The following HDAC7 variants were observed in gnomAD, a reference collection of about 807,000 sequenced individuals.
The protein encoded by HDAC7 is histone deacetylase 7.
A neutral mutation model predicts 115.5 loss-of-function variants in HDAC7; 26 were observed. The observed-to-expected ratio is 0.23, with a 90% CI of 0.16 to 0.31. The LOEUF is 0.31. Among genes scored for constraint, HDAC7 ranks in the 10% least tolerant of loss-of-function variants. The pLI, the probability that HDAC7 is intolerant of heterozygous loss-of-function variation, is 1.00. For missense variants in HDAC7, 1,068 were observed against 1,329.0 expected, an observed-to-expected ratio of 0.80 and a Z score of 3.05; for synonymous variants, 564 against 550.9, an observed-to-expected ratio of 1.02 and a Z score of -0.33.
At chr12:47,790,925 G>A (rs1424696718) in intron 16 of HDAC7, 2 of 426,620 alleles carry the variant, frequency 4.7e-6, no homozygotes, top group East Asian at 4.8e-5. Flanking sequence ...GAGCAGCCTG[G>A]CGGCCAATGC....
At chr12:47,804,345 C>A (rs1417934332) in intron 1 of HDAC7, among the ~76,000 whole-genome samples, 1 of 152,000 alleles carries the variant, frequency 6.6e-6, no homozygotes, top group Non-Finnish European at 1.5e-5. Context: ...AGATTAAGAC[C>A]CAGGAACAGC....
chr12:47,784,371 C>T, intron 24 of HDAC7, 154 bp from the exon 25 acceptor site: 1 of 745,982 alleles, frequency 1.3e-6, no homozygotes, highest in Non-Finnish European at 2.1e-6. Flanking sequence ...CTGCCCCTCT[C>T]CTCACTTCGC....
Position 47,796,064 on chromosome 12 carries a change from C to G in HDAC7, c.796-48G>C. 2.6e-6 allele frequency: 4 copies of G among 1,536,748 alleles called. No homozygotes were observed. In the African/African-American group the frequency reaches 4.1e-5, roughly 16 times the overall value. ...GGTCACCGGTCCCAGACCTCTACCC[C>G]GGCGCACCTTCCCCAGAACACCCAG... On this transcript the variant is annotated intron_variant, in intron 8 of 25. Coordinates refer to ENST00000080059, the MANE Select transcript of HDAC7 (RefSeq NM_015401.5).
At chr12:47,789,038 G>A (rs148082236) in intron 19 of HDAC7, 37 of 540,988 alleles carry the variant, frequency 6.8e-5, no homozygotes, top group African/African-American at 3.4e-4. Flanking sequence ...GCTCCTACTC[G>A]TTGCAGGGGT....
At chr12:47,808,126 G>A (rs1944481434) in intron 1 of HDAC7, among the ~76,000 whole-genome samples, 1 of 152,218 alleles carries the variant, frequency 6.6e-6, no homozygotes, top group African/African-American at 2.4e-5. Flanking sequence ...ATGTAAGGGT[G>A]GCAACAGTGA....
chr12:47,797,855 GGTGTGTGT>G lies in HDAC7; in HGVS notation c.461+245_461+252del, dbSNP rs373121556. On this transcript the variant is annotated intron_variant, in intron 5 of 25. Coordinates refer to ENST00000080059, the MANE Select transcript of HDAC7 (RefSeq NM_015401.5). The surrounding 1 kb of genome is among the most constrained non-coding windows in gnomAD (Gnocchi z 5.5). ...TCATGTGCAAGAAAAAAGCCAGTAG[GGTGTGTGT>G]GTGTGTGTGTGTGTGTGTGTGTGTG... Among the ~76,000 whole-genome samples the G allele has an allele frequency of 3.1e-4, 38 of 123,946 alleles. No individual in the cohort carries two copies. Among genetic ancestry groups the G allele is most frequent in the South Asian group, 1.9e-3 (7 of 3,616 alleles). The allele number at this position is 123,946 out of a possible 152,430, so 81.3% of individuals were successfully genotyped here.
At position 47,796,020 on chromosome 12, in the gene HDAC7, C is replaced by T. The variant is rs1943815336; in HGVS notation, c.796-4G>A. On this transcript the variant is annotated splice_region_variant and splice_polypyrimidine_tract_variant and intron_variant, in intron 8 of 25. Coordinates refer to ENST00000080059, the MANE Select transcript of HDAC7 (RefSeq NM_015401.5). ...GCAGCCGCTGGCCCAAGAGCGCCTG[C>T]CATAGGGAGCAGGGCGAGGGTCACC... 1.3e-6 allele frequency: 2 copies of T among 1,549,500 alleles called. No homozygotes were observed. Among genetic ancestry groups the T allele is most frequent in the Non-Finnish European group, 1.7e-6 (2 of 1,146,688 alleles).
intron 1 of HDAC7, among the ~76,000 whole-genome samples, chr12:47,818,709 G>GGCCTCAGGCAGATGTTGC (rs1944918295): frequency 6.6e-6 from 1 of 152,254 alleles, no homozygotes; most frequent in East Asian, 1.9e-4. Context: ...GGCAGAGCTG[G>GGCCTCAGGCAGATGTTGC]GCCTCAGGCA....
At chr12:47,784,819 C>T in intron 24 of HDAC7, 1 of 1,521,800 alleles carries the variant, frequency 6.6e-7, no homozygotes, top group Non-Finnish European at 8.8e-7. Flanking sequence ...AGGAATCAGC[C>T]ATGTCTTTAC....
In HDAC7 at chr12:47,789,319, A is replaced by C; in HGVS notation, c.2177T>G (p.Ile726Ser). The change falls in exon 19 of 26, where the codon ATC (isoleucine) becomes AGC (serine). Residue 726 changes from isoleucine (I) to serine (S), a missense_variant. Ile to Ser is a moderately radical substitution (Grantham distance 142). Transcript: ENST00000080059. ...CTGCTGTTGCAGCTGCCGGCAGGCGATGGCCACTGAGTTGAAGAAGCAGAA... is the reference window on the plus strand; with the variant it reads ...CTGCTGTTGCAGCTGCCGGCAGGCGCTGGCCACTGAGTTGAAGAAGCAGAA... Reference protein sequence around the residue: ...MGFCFFNSVAIACRQLQQQSK... With the variant: ...MGFCFFNSVASACRQLQQQSK... The C allele has an allele frequency of 6.2e-7, 1 of 1,613,958 alleles. No homozygotes were observed. The highest frequency in any genetic ancestry group is 8.5e-7 in the Non-Finnish European group (1 of 1,179,982).
chr12:47,810,595 T>C (rs199958443), intron 1 of HDAC7, among the ~76,000 whole-genome samples: 11 of 152,240 alleles, frequency 7.2e-5, no homozygotes, highest in Non-Finnish European at 1.6e-4. Flanking sequence ...TTTTAAAGTG[T>C]ACCATTTAAA....
chr12:47,813,080 T>C (rs1944737579), intron 1 of HDAC7: 2 of 152,164 alleles, frequency 1.3e-5, no homozygotes, highest in Non-Finnish European at 2.9e-5. Flanking sequence ...CGGGCAAACA[T>C]CGTCCGCCGC....
intron 14 of HDAC7, 70 bp downstream of exon 14, chr12:47,791,801 G>GGCCCCC: frequency 1.3e-6 from 2 of 1,511,058 alleles, no homozygotes. Flanking sequence ...GGGCCCCAGG[G>GGCCCCC]CCCCCCACCC....
chr12:47,808,425 C>T (rs1257378525), intron 1 of HDAC7, among the ~76,000 whole-genome samples: 3 of 152,114 alleles, frequency 2.0e-5, no homozygotes, highest in African/African-American at 7.2e-5. Flanking sequence ...AAAGCATCCT[C>T]CCTGGTTCTT....
At position 47,785,841 on chromosome 12, in the gene HDAC7, C is replaced by T. The variant is rs748469796; in HGVS notation, c.2617G>A (p.Ala873Thr). The part of the protein sequence containing the change: ...TQQLMNLAGG[A>T]VVLALEGGHD... ...CCACCCTCCAAGGCCAGCACCACTGCGCCTCCTGCCAGGTTCATCAGTTGC... is the reference window on the plus strand; with the variant it reads ...CCACCCTCCAAGGCCAGCACCACTGTGCCTCCTGCCAGGTTCATCAGTTGC... The change falls in exon 23 of 26, where the codon GCA becomes ACA. Residue 873 changes from alanine (A) to threonine (T), a missense_variant. Ala to Thr is a moderately conservative substitution (Grantham distance 58). This residue lies in a region of HDAC7 where 182 missense variants were observed against 301.1 expected (regional missense o/e 0.60). Transcript: ENST00000080059. 4 of 1,610,572 alleles carry T rather than the reference C, an allele frequency of 2.5e-6. No individual in the cohort carries two copies. Among genetic ancestry groups the T allele is most frequent in the South Asian group, 1.1e-5 (1 of 90,554 alleles).
At chr12:47,786,844 T>A in intron 21 of HDAC7, 141 bp from the exon 22 acceptor site, 2 of 658,262 alleles carry the variant, frequency 3.0e-6, no homozygotes, top group South Asian at 1.9e-5. Flanking sequence ...TTCTCTGACC[T>A]CCTTGACCTT....
chr12:47,796,316 A>G lies in HDAC7; in HGVS notation c.704-18T>C, dbSNP rs1173866788. The stretch of plus-strand genomic sequence containing the variant: ...GGAGGAGTCTGAGGGTTGGGGAGAG[A>G]GGGAAGTGCAGTCAGAGGCCAGGGT... On this transcript the variant is annotated intron_variant, in intron 7 of 25. Transcript: ENST00000080059. 8 of 1,574,752 alleles carry G rather than the reference A, an allele frequency of 5.1e-6. No homozygotes were observed. The highest frequency in any genetic ancestry group is 6.9e-6 in the Non-Finnish European group (8 of 1,162,274).
intron 21 of HDAC7, 41 bp downstream of exon 21, chr12:47,787,671 G>A: frequency 7.0e-7 from 1 of 1,418,582 alleles, no homozygotes; most frequent in Non-Finnish European, 9.8e-7. Flanking sequence ...GAAGGGACAG[G>A]AGAGGGTGGA....
rs373132317 is a variant in HDAC7, at chr12:47,802,218, T to C, written c.70+6A>G. The C allele has an allele frequency of 1.9e-6, 3 of 1,613,094 alleles. No homozygotes were observed. Among genetic ancestry groups the C allele is most frequent in the Admixed American group, 1.7e-5 (1 of 59,942 alleles). On this transcript the variant is annotated splice_donor_region_variant and intron_variant, in intron 2 of 25. Transcript: ENST00000080059. ...TACCATGGACTCCCCCGGGTTTGACTCTTACCTGCGCCAGTGGGGCTGCAG... is the reference window on the plus strand; with the variant it reads ...TACCATGGACTCCCCCGGGTTTGACCCTTACCTGCGCCAGTGGGGCTGCAG...
Sources: gnomAD v4.1 joint callset for allele counts (sites outside exome capture counted in the v4.1 genomes callset) on GRCh38, gnomAD v4.1.1 for gene constraint, gnomAD v4.1.1 regional missense constraint, Gnocchi (gnomAD v3.1) non-coding constraint, MANE v1.5 for transcripts, NCBI Gene and HGNC (gene_info 2026-07-23, HGNC 2026-07-21) for gene names.